RERE: variants seen among roughly 807,000 people sequenced by gnomAD.
RERE encodes arginine-glutamic acid dipeptide repeats, also known as arginine-glutamic acid dipeptide repeats protein.
RERE carries 40 observed loss-of-function variants against 146.1 expected under a neutral mutation model. The ratio of observed to expected loss-of-function variants is 0.27; its 90% confidence interval spans 0.21 to 0.36. The LOEUF (loss-of-function observed/expected upper bound fraction) is 0.36. RERE is among the 10% of genes least tolerant of loss of function. The pLI, the probability that RERE is intolerant of heterozygous loss-of-function variation, is 1.00. For synonymous variants in RERE, 1,003 were observed against 866.0 expected (o/e 1.16, Z -2.78); for missense variants, 1,933 against 2,138.7 (o/e 0.90, Z 1.90).
chr1:8,461,015 A>C (rs1412636427), intron 11 of RERE, among the ~76,000 whole-genome samples: 1 of 152,198 alleles, frequency 6.6e-6, no homozygotes, highest in Non-Finnish European at 1.5e-5. Flanking sequence ...CCAGTGCAAT[A>C]AGCACCAACA....
In RERE at chr1:8,364,346, C is replaced by T; in HGVS notation, c.1541-91G>A. On this transcript the variant is annotated intron_variant, in intron 14 of 22. Coordinates refer to ENST00000400908, the MANE Select transcript of RERE (RefSeq NM_001042681.2). This position sits in a 1 kb window ranked among gnomAD's most constrained non-coding sequence, Gnocchi z 5.1. Reference sequence around the variant, plus strand: ...GAGGGGCCCTTCTGTGGGCTCTACCCAAACCTGATGCCACCAGCACCATGC... The same window carrying T: ...GAGGGGCCCTTCTGTGGGCTCTACCTAAACCTGATGCCACCAGCACCATGC... The T allele has an allele frequency of 8.7e-7, 1 of 1,144,114 alleles. No individual in the cohort carries two copies. Among genetic ancestry groups the T allele is most frequent in the Non-Finnish European group, 1.3e-6 (1 of 767,408 alleles). The allele number at this position is 1,144,114 out of a possible 1,614,324, so 70.9% of individuals were successfully genotyped here.
At chr1:8,523,773 C>T (rs1281544780) in intron 7 of RERE, among the ~76,000 whole-genome samples, 3 of 152,274 alleles carry the variant, frequency 2.0e-5, no homozygotes, top group African/African-American at 4.8e-5. Flanking sequence ...AAATAGATGG[C>T]GGCATCCAAG....
chr1:8,713,146 T>C (rs985648069), intron 1 of RERE, among the ~76,000 whole-genome samples: 4 of 152,214 alleles, frequency 2.6e-5, no homozygotes, highest in African/African-American at 9.6e-5. Context: ...GAGGAACAGT[T>C]TGTCTTTTGT....
chr1:8,442,062 A>C (rs1040435769), intron 11 of RERE, among the ~76,000 whole-genome samples: 1 of 152,098 alleles, frequency 6.6e-6, no homozygotes, highest in African/African-American at 2.4e-5. Flanking sequence ...AAGGGGGAAA[A>C]GGATAAGATG....
intron 1 of RERE, among the ~76,000 whole-genome samples, chr1:8,741,538 T>C (rs1432791802): frequency 1.3e-5 from 2 of 152,106 alleles, no homozygotes; most frequent in Non-Finnish European, 2.9e-5. Context: ...GGTCAGTGAG[T>C]TCTCATAAGA....
At chr1:8,359,673 C>A (rs1641470835) in intron 19 of RERE, 91 bp downstream of exon 19, 10 of 1,400,546 alleles carry the variant, frequency 7.1e-6, no homozygotes, top group Admixed American at 3.6e-5. Context: ...CCGAGTCAGG[C>A]AGCCAAGGGC....
chr1:8,561,277 T>C (rs1304595976), intron 4 of RERE, among the ~76,000 whole-genome samples: 1 of 152,212 alleles, frequency 6.6e-6, no homozygotes, highest in Non-Finnish European at 1.5e-5. Context: ...TCACAATCAA[T>C]TCCACAGATA....
intron 6 of RERE, among the ~76,000 whole-genome samples, chr1:8,550,515 C>T (rs1002895855): frequency 3.9e-5 from 6 of 152,132 alleles, no homozygotes; most frequent in African/African-American, 7.2e-5. Context: ...CTTGCAGGAG[C>T]TAAAGGGTGT....
At chr1:8,634,794 G>A (rs1186014831) in intron 2 of RERE, among the ~76,000 whole-genome samples, 5 of 152,174 alleles carry the variant, frequency 3.3e-5, no homozygotes, top group Non-Finnish European at 5.9e-5. Flanking sequence ...GGAGTGCAGT[G>A]GCGCGATCTC....
At chr1:8,426,024 T>TCCC (rs1406059137) in intron 11 of RERE, among the ~76,000 whole-genome samples, 2 of 152,024 alleles carry the variant, frequency 1.3e-5, no homozygotes, top group East Asian at 3.9e-4. Flanking sequence ...CCCCCTCAAA[T>TCCC]CCTCAGAGCC....
chr1:8,809,972 GCA>G (rs1217332777), intron 1 of RERE, among the ~76,000 whole-genome samples: 3 of 152,100 alleles, frequency 2.0e-5, no homozygotes, highest in Non-Finnish European at 2.9e-5. Context: ...TGTGTCCTGA[GCA>G]CAGTTTGTTG....
At chr1:8,692,494 C>T (rs1299838409) in intron 1 of RERE, among the ~76,000 whole-genome samples, 5 of 151,896 alleles carry the variant, frequency 3.3e-5, no homozygotes, top group African/African-American at 7.3e-5. Flanking sequence ...CTAGAGGCGC[C>T]TACCACCACA....
At chr1:8,766,331 G>C (rs2124538627) in intron 1 of RERE, among the ~76,000 whole-genome samples, 1 of 152,050 alleles carries the variant, frequency 6.6e-6, no homozygotes, top group Non-Finnish European at 1.5e-5. Flanking sequence ...CTTGAGGTCG[G>C]GAGTTCAAGA....
intron 1 of RERE, among the ~76,000 whole-genome samples, chr1:8,810,978 C>T (rs553807524): frequency 6.6e-6 from 1 of 152,176 alleles, no homozygotes; most frequent in Admixed American, 6.6e-5. Context: ...TAAAGTGATA[C>T]CACCTAAAAA....
intron 4 of RERE, among the ~76,000 whole-genome samples, chr1:8,612,533 A>G (rs931574586): frequency 1.3e-5 from 2 of 152,224 alleles, no homozygotes; most frequent in African/African-American, 4.8e-5. Context: ...TCATCAGTAG[A>G]CACAAATATT....
intron 2 of RERE, among the ~76,000 whole-genome samples, chr1:8,638,551 G>T (rs10864359): frequency 6.6e-6 from 1 of 152,084 alleles, no homozygotes; most frequent in Admixed American, 6.5e-5. Flanking sequence ...TTTACAAGTG[G>T]TGGCATGGAA....
At chr1:8,749,918 A>G (rs1640495996) in intron 1 of RERE, among the ~76,000 whole-genome samples, 1 of 152,190 alleles carries the variant, frequency 6.6e-6, no homozygotes, top group Non-Finnish European at 1.5e-5. Context: ...TTGGGAGGCC[A>G]AGGCGAGTGG....
At chr1:8,461,761 G>A (rs1644529475) in intron 11 of RERE, among the ~76,000 whole-genome samples, 1 of 152,212 alleles carries the variant, frequency 6.6e-6, no homozygotes, top group Non-Finnish European at 1.5e-5. Context: ...TCAGGTGATA[G>A]GAGGAGGAGG....
At chr1:8,774,181 T>A (rs539002077) in intron 1 of RERE, among the ~76,000 whole-genome samples, 7 of 152,124 alleles carry the variant, frequency 4.6e-5, no homozygotes, top group Non-Finnish European at 8.8e-5. Flanking sequence ...TCACTAGCAA[T>A]CCTGAATATT....
Sources: allele counts gnomAD v4.1 joint callset (sites outside exome capture counted in the v4.1 genomes callset), GRCh38; gene constraint gnomAD v4.1.1; non-coding constraint Gnocchi (gnomAD v3.1); transcripts MANE v1.5; gene names NCBI Gene and HGNC (gene_info 2026-07-23, HGNC 2026-07-21).